FAM237B: variants seen among roughly 807,000 people sequenced by gnomAD.
The protein encoded by FAM237B is protein FAM237B.
Position 90,317,272 on chromosome 7 carries a change from G to A in FAM237B, c.*2057C>T, listed in dbSNP as rs2117569003. ...GATTAGAGCTAAACAGTAATAAAGT[G>A]TCAATATGAAAATATGTTGAAATTT... On this transcript the variant is annotated 3_prime_UTR_variant, in exon 3 of 3. Coordinates refer to ENST00000692316, the MANE Select transcript of FAM237B (RefSeq NM_001384237.2). The A allele has an allele frequency of 6.6e-6, 1 of 152,170 alleles. No homozygotes were observed. Among genetic ancestry groups the A allele is most frequent in the Admixed American group, 6.5e-5 (1 of 15,290 alleles). 9.4% of individuals were successfully genotyped at this position (152,170 alleles called of 1,614,324 possible).
At position 90,319,548 on chromosome 7, in the gene FAM237B, A is replaced by G. The variant is rs1795119227; in HGVS notation, c.201T>C (p.Asn67=). ...IDLKELKIEH[N]VDAFWNFMLF... is the part of the protein sequence containing the mutation. ...ACATGAAATTCCAAAAAGCATCCAC[A>G]TTGTGCTCTATCTTGAGTTCCTTGA... is the stretch of plus-strand genomic sequence containing the variant. The change falls in exon 3 of 3, where the codon AAT becomes AAC. Residue 67 remains asparagine (N), a synonymous_variant. Transcript: ENST00000692316. The G allele has an allele frequency of 5.0e-6, 2 of 398,468 alleles. No individual in the cohort carries two copies. The highest frequency in any genetic ancestry group is 3.6e-5 in the East Asian group (1 of 28,076). 24.7% of individuals were successfully genotyped at this position (398,468 alleles called of 1,614,324 possible).
Position 90,319,739 on chromosome 7 carries a change from C to A in FAM237B, c.10G>T (p.Ala4Ser). The A allele has an allele frequency of 5.0e-6, 2 of 398,098 alleles. No homozygotes were observed. Among genetic ancestry groups the A allele is most frequent in the Non-Finnish European group, 8.9e-6 (2 of 225,962 alleles). 24.7% of individuals were successfully genotyped at this position (398,098 alleles called of 1,614,324 possible). A position where few individuals can be genotyped will look rare whatever the true frequency, so the allele number is the denominator to read the frequency against. The part of the protein sequence containing the change: MCF[A>S]TRRWFYLHLG... The stretch of plus-strand genomic sequence containing the variant: ...TGTAGATAGAACCATCTTCTTGTAG[C>A]AAAACACATATTCTATACAGAAAAA... Residue 4 changes from alanine (A) to serine (S), a missense_variant, in exon 3 of 3, where the codon GCT becomes TCT. By Grantham distance (99) the Ala-to-Ser change is moderately conservative (BLOSUM62 1). Transcript: ENST00000692316.
At position 90,318,567 on chromosome 7, in the gene FAM237B, G is replaced by T. The variant is rs376593349; in HGVS notation, c.*762C>A. On this transcript the variant is annotated 3_prime_UTR_variant, in exon 3 of 3. Coordinates refer to ENST00000692316, the MANE Select transcript of FAM237B (RefSeq NM_001384237.2). The stretch of plus-strand genomic sequence containing the variant: ...TTTAATAGTCAATATTAATATATAA[G>T]ATACCTTATAAAATTGGTTACAATT... 1 of 151,994 alleles carries T rather than the reference G, an allele frequency of 6.6e-6. No homozygotes were observed. The highest frequency in any genetic ancestry group is 1.9e-4 in the East Asian group (1 of 5,180). 9.4% of individuals were successfully genotyped at this position (151,994 alleles called of 1,614,324 possible). A position where few individuals can be genotyped will look rare whatever the true frequency, so the allele number is the denominator to read the frequency against.
chr7:90,320,884 G>A (rs1046980432), intron 1 of FAM237B, 38 bp downstream of exon 1: 5 of 151,428 alleles, frequency 3.3e-5, no homozygotes, highest in African/African-American at 1.2e-4. Flanking sequence ...TTTCAGGCTA[G>A]CGCCTCTCCC....
In FAM237B at chr7:90,321,012, A is replaced by G. The variant is rs577124327; in HGVS notation, c.-141T>C. ...CCCGGCGCGGTGTCCTGGGTGCGCT[A>G]CGCTCGTTGGGAGGAGGACGGGGCG... On this transcript the variant is annotated 5_prime_UTR_variant, in exon 1 of 3. Coordinates refer to ENST00000692316, the MANE Select transcript of FAM237B (RefSeq NM_001384237.2). 1 of 152,322 alleles carries G rather than the reference A, an allele frequency of 6.6e-6. No individual in the cohort carries two copies. The highest frequency in any genetic ancestry group is 2.4e-5 in the African/African-American group (1 of 41,558). 9.4% of individuals were successfully genotyped at this position (152,322 alleles called of 1,614,324 possible). A position where few individuals can be genotyped will look rare whatever the true frequency, so the allele number is the denominator to read the frequency against.
chr7:90,316,895 A>C lies in FAM237B; in HGVS notation c.*2434T>G, dbSNP rs1292255712. Reference sequence around the variant, plus strand: ...TTGTCATGACAACTATGAGTGATTGAGGACAACTGGTTGAACAATTTTTTA... The same window carrying C: ...TTGTCATGACAACTATGAGTGATTGCGGACAACTGGTTGAACAATTTTTTA... On this transcript the variant is annotated 3_prime_UTR_variant, in exon 3 of 3. Coordinates refer to ENST00000692316, the MANE Select transcript of FAM237B (RefSeq NM_001384237.2). The C allele has an allele frequency of 1.3e-5, 2 of 152,224 alleles. No individual in the cohort carries two copies. The highest frequency in any genetic ancestry group is 2.9e-5 in the Non-Finnish European group (2 of 68,024). 9.4% of individuals were successfully genotyped at this position (152,224 alleles called of 1,614,324 possible). A position where few individuals can be genotyped will look rare whatever the true frequency, so the allele number is the denominator to read the frequency against.
rs887474735 is a variant in FAM237B at position 90,317,369 on chromosome 7, C to T, written c.*1960G>A. On this transcript the variant is annotated 3_prime_UTR_variant, in exon 3 of 3. Coordinates refer to ENST00000692316, the MANE Select transcript of FAM237B (RefSeq NM_001384237.2). Reference sequence around the variant, plus strand: ...CAAAAGCTTAATGGACATAAAATCACTCATGTTTACACGCTGTCTGGTCAT... The same window carrying T: ...CAAAAGCTTAATGGACATAAAATCATTCATGTTTACACGCTGTCTGGTCAT... 10 of 152,026 alleles carry T rather than the reference C, an allele frequency of 6.6e-5. No individual in the cohort carries two copies. The highest frequency in any genetic ancestry group is 2.0e-4 in the Admixed American group (3 of 15,258). The allele number at this position is 152,026 out of a possible 1,614,324, so 9.4% of individuals were successfully genotyped here.
rs1794896524 is a variant in FAM237B at position 90,317,364 on chromosome 7, A to G, written c.*1965T>C. 1 of 152,084 alleles carries G rather than the reference A, an allele frequency of 6.6e-6. No individual in the cohort carries two copies. Among genetic ancestry groups the G allele is most frequent in the South Asian group, 2.1e-4 (1 of 4,822 alleles). The allele number at this position is 152,084 out of a possible 1,614,324, so 9.4% of individuals were successfully genotyped here. The stretch of plus-strand genomic sequence containing the variant: ...CAAATCAAAAGCTTAATGGACATAA[A>G]ATCACTCATGTTTACACGCTGTCTG... On this transcript the variant is annotated 3_prime_UTR_variant, in exon 3 of 3. Coordinates refer to ENST00000692316, the MANE Select transcript of FAM237B (RefSeq NM_001384237.2).
In FAM237B at chr7:90,319,210, G is replaced by T; in HGVS notation, c.*119C>A. ...TAAATAATGTAAAATGAGTAAAAAT[G>T]AGAATCAAAACCTATCATTTTAGGG... On this transcript the variant is annotated 3_prime_UTR_variant, in exon 3 of 3. Coordinates refer to ENST00000692316, the MANE Select transcript of FAM237B (RefSeq NM_001384237.2). The T allele has an allele frequency of 5.1e-6, 2 of 390,930 alleles. No homozygotes were observed. The highest frequency in any genetic ancestry group is 9.0e-6 in the Non-Finnish European group (2 of 221,586). 24.2% of individuals were successfully genotyped at this position (390,930 alleles called of 1,614,324 possible).
In FAM237B at chr7:90,319,106, A is replaced by C. The variant is rs1274093963; in HGVS notation, c.*223T>G. ...CTTATGAACTATTCATGGGCAAACA[A>C]GGATAATTTTAATTATCTACCAAAG... On this transcript the variant is annotated 3_prime_UTR_variant, in exon 3 of 3. Transcript: ENST00000692316. The C allele has an allele frequency of 5.9e-6, 2 of 340,298 alleles. No individual in the cohort carries two copies. Among genetic ancestry groups the C allele is most frequent in the African/African-American group, 2.1e-5 (1 of 47,588 alleles). 21.1% of individuals were successfully genotyped at this position (340,298 alleles called of 1,614,324 possible).
rs959277305 is a variant in FAM237B, at chr7:90,319,594, C to G, written c.155G>C (p.Cys52Ser). The G allele has an allele frequency of 2.5e-6, 1 of 398,468 alleles. No homozygotes were observed. The highest frequency in any genetic ancestry group is 4.4e-6 in the Non-Finnish European group (1 of 226,070). The allele number at this position is 398,468 out of a possible 1,614,324, so 24.7% of individuals were successfully genotyped here. A position where few individuals can be genotyped will look rare whatever the true frequency, so the allele number is the denominator to read the frequency against. The change falls in exon 3 of 3, where the codon TGC becomes TCC. Residue 52 changes from cysteine to serine, a missense_variant. Transcript: ENST00000692316. ...KDIDLQCWKA[C>S]SLTLIDLKEL... ...CTTGAGATCTATCAATGTCAAAGAG[C>G]AAGCTTTCCAGCACTGGAGATCAAT... is the stretch of plus-strand genomic sequence containing the variant.
Position 90,316,811 on chromosome 7 carries a change from T to G in FAM237B, c.*2518A>C, listed in dbSNP as rs796249772. On this transcript the variant is annotated 3_prime_UTR_variant, in exon 3 of 3. Coordinates refer to ENST00000692316, the MANE Select transcript of FAM237B (RefSeq NM_001384237.2). The stretch of plus-strand genomic sequence containing the variant: ...AAGAACTAGAAAACCATTTTGCCAT[T>G]AACTGGAAGACTAATTTTATTGATT... 3.9e-5 allele frequency: 6 copies of G among 152,320 alleles called. No individual in the cohort carries two copies. Among genetic ancestry groups the G allele is most frequent in the African/African-American group, 1.4e-4 (6 of 41,576 alleles). The allele number at this position is 152,320 out of a possible 1,614,324, so 9.4% of individuals were successfully genotyped here. A position where few individuals can be genotyped will look rare whatever the true frequency, so the allele number is the denominator to read the frequency against.
At position 90,319,471 on chromosome 7, in the gene FAM237B, A is replaced by G. The variant is rs1385763037; in HGVS notation, c.278T>C (p.Ile93Thr). 1.5e-5 allele frequency: 6 copies of G among 398,480 alleles called. No homozygotes were observed. Among genetic ancestry groups the G allele is most frequent in the African/African-American group, 1.2e-4 (6 of 48,626 alleles). The allele number at this position is 398,480 out of a possible 1,614,324, so 24.7% of individuals were successfully genotyped here. Residue 93 changes from isoleucine to threonine, a missense_variant, in exon 3 of 3, where the codon ATA becomes ACA. Physicochemically the swap from Ile to Thr is moderately conservative, Grantham distance 89. Coordinates refer to ENST00000692316, the MANE Select transcript of FAM237B (RefSeq NM_001384237.2). ...RPGHYNVFLN[I>T]AQDFWDMYVD... ...ATACATGTCCCAGAAATCCTGAGCT[A>G]TGTTTAAGAAGACATTATAATGTCC... is the stretch of plus-strand genomic sequence containing the variant.
intron 2 of FAM237B, among the ~76,000 whole-genome samples, chr7:90,320,087 C>T (rs1392391194): frequency 6.6e-6 from 1 of 152,170 alleles, no homozygotes; most frequent in Non-Finnish European, 1.5e-5. Context: ...ATTAGTGATA[C>T]GGTTCCGCAA....
intron 2 of FAM237B, chr7:90,320,335 ATTC>A (rs1193320759): frequency 6.6e-6 from 1 of 152,188 alleles, no homozygotes; most frequent in East Asian, 1.9e-4. Flanking sequence ...TATCCGGTGT[ATTC>A]TTGGCTTCCC....
Position 90,319,660 on chromosome 7 carries a change from T to C in FAM237B, c.89A>G (p.Lys30Arg). 3 of 398,616 alleles carry C rather than the reference T, an allele frequency of 7.5e-6. No individual in the cohort carries two copies. Among genetic ancestry groups the C allele is most frequent in the Non-Finnish European group, 1.3e-5 (3 of 226,056 alleles). 24.7% of individuals were successfully genotyped at this position (398,616 alleles called of 1,614,324 possible). A position where few individuals can be genotyped will look rare whatever the true frequency, so the allele number is the denominator to read the frequency against. Residue 30 changes from lysine (K) to arginine (R), a missense_variant, in exon 3 of 3, where the codon AAA (lysine) becomes AGA (arginine). By Grantham distance (26) the Lys-to-Arg change is conservative (BLOSUM62 2). Transcript: ENST00000692316. ...TGGGCTGATGCTGGCAAGCACTCCT[T>C]TTTGAAACTCAAAGTCAGCATTAAC... ...NLVNADFEFQ[K>R]GVLASISPGI...
At chr7:90,319,994 G>A (rs763294682) in intron 2 of FAM237B, among the ~76,000 whole-genome samples, 8 of 152,122 alleles carry the variant, frequency 5.3e-5, no homozygotes, top group Non-Finnish European at 7.4e-5. Context: ...AAAATGCAAA[G>A]GTTCATTTCA....
chr7:90,320,290 T>A, intron 2 of FAM237B: 1 of 152,376 alleles, frequency 6.6e-6, no homozygotes, highest in Non-Finnish European at 1.5e-5. Flanking sequence ...GCTATTTCCA[T>A]TTTCATGTAT....
intron 2 of FAM237B, among the ~76,000 whole-genome samples, chr7:90,319,989 G>C (rs139679984): frequency 3.3e-5 from 5 of 152,214 alleles, no homozygotes; most frequent in African/African-American, 1.2e-4. Flanking sequence ...TTATGAAAAT[G>C]CAAAGGTTCA....
Sources: allele counts gnomAD v4.1 joint callset (sites outside exome capture counted in the v4.1 genomes callset), GRCh38; gene constraint gnomAD v4.1.1; transcripts MANE v1.5; gene names NCBI Gene and HGNC (gene_info 2026-07-23, HGNC 2026-07-21).